The following SCARA5 variants were observed in gnomAD, a reference collection of about 807,000 sequenced individuals.
The protein encoded by SCARA5 is scavenger receptor class A member 5, also known as scavenger receptor class A, member 5 (putative).
SCARA5 carries 45 observed loss-of-function variants against 46.3 expected under a neutral mutation model. The observed-to-expected ratio is 0.97, with a 90% CI of 0.76 to 1.24. The LOEUF is 1.24. SCARA5 is among the 50% of genes most tolerant of loss of function. SCARA5 has a pLI of 0.00. For missense variants in SCARA5, 680 were observed against 689.0 expected (o/e 0.99, Z 0.15); for synonymous variants, 333 against 306.5 (o/e 1.09, Z -0.90).
At chr8:27,893,920 C>G (rs958344341) in intron 7 of SCARA5, among the ~76,000 whole-genome samples, 1 of 152,248 alleles carries the variant, frequency 6.6e-6, no homozygotes, top group African/African-American at 2.4e-5. Flanking sequence ...GCTGCCATCT[C>G]TCAGAACTGG....
intron 2 of SCARA5, among the ~76,000 whole-genome samples, chr8:27,969,459 T>C (rs1808415852): frequency 6.6e-6 from 1 of 152,092 alleles, no homozygotes; most frequent in Non-Finnish European, 1.5e-5. Context: ...AACAAAACTA[T>C]GGAGGCAGTA....
At chr8:27,897,342 G>T (rs368370462) in intron 7 of SCARA5, among the ~76,000 whole-genome samples, 92 of 152,310 alleles carry the variant, frequency 6.0e-4, no homozygotes, top group African/African-American at 2.2e-3. Flanking sequence ...TCGGGGTCAC[G>T]GAGATTAAGG....
At chr8:27,973,891 T>C (rs1464835019) in intron 2 of SCARA5, among the ~76,000 whole-genome samples, 2 of 152,192 alleles carry the variant, frequency 1.3e-5, no homozygotes, top group African/African-American at 4.8e-5. Context: ...TATCAAAAGA[T>C]TGTATTATTC....
In SCARA5 at chr8:27,907,316, G is replaced by A. The variant is rs145896901; in HGVS notation, c.998-70C>T. ...GGAAGGACCCTCAGAGGTCATCGTC[G>A]GGTTCAAGGCTCAGCCTCCCCCATG... On this transcript the variant is annotated intron_variant, in intron 5 of 8. Transcript: ENST00000354914. 58 of 1,159,948 alleles carry A rather than the reference G, an allele frequency of 5.0e-5. 1 individual carries two copies. The highest frequency in any genetic ancestry group is 3.9e-4 in the South Asian group (28 of 72,296). 71.9% of individuals were successfully genotyped at this position (1,159,948 alleles called of 1,614,324 possible). A position where few individuals can be genotyped will look rare whatever the true frequency, so the allele number is the denominator to read the frequency against.
intron 4 of SCARA5, 148 bp from the exon 5 acceptor site, chr8:27,909,891 C>T (rs981938272): frequency 7.5e-6 from 4 of 534,228 alleles, no homozygotes; most frequent in South Asian, 5.8e-5. Context: ...AGCCCAGTCT[C>T]GGGGGGCATC....
At chr8:27,914,701 G>A (rs1405225482) in intron 4 of SCARA5, among the ~76,000 whole-genome samples, 4 of 152,216 alleles carry the variant, frequency 2.6e-5, no homozygotes, top group Admixed American at 1.3e-4. Flanking sequence ...ACCAAGGCAG[G>A]CCAGGGCATG....
At chr8:27,950,267 G>A (rs1316688742) in intron 3 of SCARA5, among the ~76,000 whole-genome samples, 3 of 152,130 alleles carry the variant, frequency 2.0e-5, no homozygotes, top group Non-Finnish European at 2.9e-5. Flanking sequence ...ACTTTGACGC[G>A]AGCCAGACCT....
At chr8:27,965,915 C>T (rs1808361950) in intron 3 of SCARA5, among the ~76,000 whole-genome samples, 1 of 152,196 alleles carries the variant, frequency 6.6e-6, no homozygotes, top group Non-Finnish European at 1.5e-5. Context: ...CTAGCCCTAG[C>T]CCATCGCCTG....
intron 3 of SCARA5, among the ~76,000 whole-genome samples, chr8:27,958,273 G>A (rs1808236811): frequency 6.6e-6 from 1 of 152,244 alleles, no homozygotes; most frequent in South Asian, 2.1e-4. Flanking sequence ...AACTCAGGGT[G>A]TCAACTGGCT....
At chr8:27,979,054 C>T (rs749384318) in intron 2 of SCARA5, among the ~76,000 whole-genome samples, 4 of 152,180 alleles carry the variant, frequency 2.6e-5, no homozygotes, top group East Asian at 1.9e-4. Context: ...CCCACACAGT[C>T]GAGCACAGGT....
At chr8:27,896,921 G>A (rs964421912) in intron 7 of SCARA5, among the ~76,000 whole-genome samples, 1 of 152,112 alleles carries the variant, frequency 6.6e-6, no homozygotes, top group South Asian at 2.1e-4. Context: ...GTGAAACCCT[G>A]CCTCTACTAA....
At chr8:27,910,159 G>A (rs556941498) in intron 4 of SCARA5, 1 of 158,018 alleles carries the variant, frequency 6.3e-6, no homozygotes, top group East Asian at 1.9e-4. Context: ...AAGACACCAG[G>A]GAGTTCTCTC....
intron 8 of SCARA5, among the ~76,000 whole-genome samples, chr8:27,878,819 T>A (rs1236896081): frequency 2.0e-5 from 3 of 152,234 alleles, no homozygotes; most frequent in African/African-American, 4.8e-5. Context: ...CTGGGCATGG[T>A]GGCTCACGCC....
At chr8:27,973,464 G>A (rs941325197) in intron 2 of SCARA5, among the ~76,000 whole-genome samples, 1 of 152,156 alleles carries the variant, frequency 6.6e-6, no homozygotes, top group Non-Finnish European at 1.5e-5. Context: ...GTGACAGAGT[G>A]AGACTCTGTC....
chr8:27,964,820 C>G (rs1808344181), intron 3 of SCARA5, among the ~76,000 whole-genome samples: 1 of 152,140 alleles, frequency 6.6e-6, no homozygotes, highest in Non-Finnish European at 1.5e-5. Flanking sequence ...CTCCAGACCC[C>G]CATCTGTCAC....
At chr8:27,976,204 A>G (rs927993532) in intron 2 of SCARA5, among the ~76,000 whole-genome samples, 3 of 152,110 alleles carry the variant, frequency 2.0e-5, no homozygotes, top group African/African-American at 7.2e-5. Context: ...GCCATGCGGG[A>G]GAGAGCCTGA....
rs1205720229 is a variant in SCARA5, at chr8:27,987,527, G to A, written c.89C>T (p.Ser30Phe). Residue 30 changes from serine (S) to phenylalanine (F), a missense_variant, in exon 2 of 9, where the codon TCC (serine) becomes TTC (phenylalanine). Ser to Phe is a radical substitution (Grantham distance 155). Transcript: ENST00000354914. Reference sequence around the variant, plus strand: ...ACCATCCTCACACAGGTTCAGCTTGGACAGGCTCCTGCCATCAAAGGAATC... The same window carrying A: ...ACCATCCTCACACAGGTTCAGCTTGAACAGGCTCCTGCCATCAAAGGAATC... The part of the protein sequence containing the change: ...CEDSFDGRSL[S>F]KLNLCEDGPC... 2.5e-6 allele frequency: 4 copies of A among 1,613,660 alleles called. No homozygotes were observed. In the Admixed American group the frequency reaches 6.7e-5, roughly 27 times the overall value.
At chr8:27,911,434 C>A (rs560439781) in intron 4 of SCARA5, among the ~76,000 whole-genome samples, 1 of 152,152 alleles carries the variant, frequency 6.6e-6, no homozygotes, top group Non-Finnish European at 1.5e-5. Context: ...GGCTCATGCC[C>A]GTAATCCAGC....
At chr8:27,894,910 T>C (rs946807004) in intron 7 of SCARA5, among the ~76,000 whole-genome samples, 4 of 152,136 alleles carry the variant, frequency 2.6e-5, no homozygotes, top group Admixed American at 6.5e-5. Context: ...AATGAATGGA[T>C]GAATGGGACT....
Sources: allele counts gnomAD v4.1 joint callset (sites outside exome capture counted in the v4.1 genomes callset), GRCh38; gene constraint gnomAD v4.1.1; transcripts MANE v1.5; gene names NCBI Gene and HGNC (gene_info 2026-07-23, HGNC 2026-07-21).